Variants in ISLR2 observed in about 807,000 individuals in gnomAD.
ISLR2 encodes the protein immunoglobulin superfamily containing leucine-rich repeat protein 2.
Under a neutral mutation model 25.5 loss-of-function variants are expected in ISLR2, and 16 were observed. That is an observed-to-expected ratio of 0.63 (90% CI 0.43 to 0.95). The LOEUF is 0.95. ISLR2 is among the 40% of genes least tolerant of loss of function. The pLI is 0.00. For missense variants in ISLR2, 883 were observed against 1,030.7 expected, an observed-to-expected ratio of 0.86 and a Z score of 1.96; for synonymous variants, 508 against 486.6, an observed-to-expected ratio of 1.04 and a Z score of -0.58.
intron 1 of ISLR2, among the ~76,000 whole-genome samples, chr15:74,130,835 G>C (rs1304042647): frequency 6.6e-6 from 1 of 152,110 alleles, no homozygotes; most frequent in Non-Finnish European, 1.5e-5. Context: ...GTGGGGTGGG[G>C]GAGGTGGTGT....
At chr15:74,118,722 A>T (rs552012067) in intron 2 of ISLR2, among the ~76,000 whole-genome samples, 1 of 151,774 alleles carries the variant, frequency 6.6e-6, no homozygotes, top group African/African-American at 2.4e-5. Context: ...CAATGGTGCA[A>T]TCTTGGCTCA....
upstream of ISLR2, among the ~76,000 whole-genome samples, chr15:74,125,045 C>T (rs2072283142): frequency 6.6e-6 from 1 of 152,148 alleles, no homozygotes; most frequent in Non-Finnish European, 1.5e-5. Flanking sequence ...TACACATCAT[C>T]CCCAGCCCCC....
At chr15:74,129,045 C>T (rs567542439), upstream of ISLR2, 4 of 456,726 alleles carry the variant, frequency 8.8e-6, no homozygotes, top group East Asian at 2.8e-4. The surrounding 1 kb of genome is among the most constrained non-coding windows in gnomAD (Gnocchi z 4.5). Flanking sequence ...ACCCCTCGAC[C>T]ATTTTCGAAG....
At chr15:74,111,084 G>A (rs2072162600) in intron 2 of ISLR2, among the ~76,000 whole-genome samples, 1 of 144,228 alleles carries the variant, frequency 6.9e-6, no homozygotes, top group African/African-American at 2.6e-5. Context: ...AGGTTGCAGT[G>A]AGCCAAGATC....
In ISLR2 at chr15:74,131,322, C is replaced by T. The variant is rs1318017819; in HGVS notation, c.-9+6C>T. ...TGAGAGTCGGCGAATATTGGGTAAGCAATGGGGGCCACCCCACAACCTTGA... is the reference window on the plus strand; with the variant it reads ...TGAGAGTCGGCGAATATTGGGTAAGTAATGGGGGCCACCCCACAACCTTGA... On this transcript the variant is annotated splice_donor_region_variant and intron_variant, in intron 2 of 2. Transcript: ENST00000453268. 6.5e-6 allele frequency: 1 copy of T among 152,870 alleles called. No individual in the cohort carries two copies. Among genetic ancestry groups the T allele is most frequent in the South Asian group, 2.1e-4 (1 of 4,826 alleles). The allele number at this position is 152,870 out of a possible 1,614,324, so 9.5% of individuals were successfully genotyped here. A position where few individuals can be genotyped will look rare whatever the true frequency, so the allele number is the denominator to read the frequency against.
chr15:74,132,698 G>T lies in ISLR2; in HGVS notation c.-8-49G>T. ...ACAGCTTGATAGGGGAGGTAAGCTGGGGTTCAGTGAGTCACCTTCTTTCTT... is the reference window on the plus strand; with the variant it reads ...ACAGCTTGATAGGGGAGGTAAGCTGTGGTTCAGTGAGTCACCTTCTTTCTT... On this transcript the variant is annotated intron_variant, in intron 2 of 2. Coordinates refer to ENST00000453268, the MANE Select transcript of ISLR2 (RefSeq NM_020851.3). This position sits in a 1 kb window ranked among gnomAD's most constrained non-coding sequence, Gnocchi z 4.3. The T allele has an allele frequency of 1.9e-6, 3 of 1,568,344 alleles. No homozygotes were observed. The highest frequency in any genetic ancestry group is 2.3e-5 in the East Asian group (1 of 44,060).
chr15:74,125,776 A>C (rs1363731039), upstream of ISLR2: 1 of 152,224 alleles, frequency 6.6e-6, no homozygotes, highest in African/African-American at 2.4e-5. Flanking sequence ...TGAACCATTC[A>C]GAAAATTCCT....
At chr15:74,106,551 C>T (rs1316910888) in intron 2 of ISLR2, among the ~76,000 whole-genome samples, 1 of 152,126 alleles carries the variant, frequency 6.6e-6, no homozygotes, top group African/African-American at 2.4e-5. Flanking sequence ...CTGGATCCCA[C>T]CACTGAGTTC....
chr15:74,128,785 C>A (rs1388676167), upstream of ISLR2: 4 of 425,740 alleles, frequency 9.4e-6, no homozygotes, highest in Non-Finnish European at 1.8e-5. Context: ...TCCAAATATC[C>A]TTCCCAGGCA....
chr15:74,116,363 AG>A (rs2072210924), intron 2 of ISLR2, among the ~76,000 whole-genome samples: 1 of 152,016 alleles, frequency 6.6e-6, no homozygotes, highest in Non-Finnish European at 1.5e-5. Flanking sequence ...CAGGAGTTCA[AG>A]ACCAGCCTGG....
At chr15:74,138,288 CTTTTTTTTTTTT>C (rs34518777), downstream of ISLR2, 1 of 91,676 alleles carries the variant, frequency 1.1e-5, no homozygotes, top group Non-Finnish European at 2.1e-5. Context: ...TTTCTTTTCT[CTTTTTTTTTTTT>C]TTTTTTTTTG....
At chr15:74,108,048 G>T (rs535272908) in intron 2 of ISLR2, among the ~76,000 whole-genome samples, 6 of 152,284 alleles carry the variant, frequency 3.9e-5, no homozygotes, top group African/African-American at 1.4e-4. Context: ...GGTTGGAGCT[G>T]GGAGGTGTCG....
chr15:74,126,293 G>T (rs2072294594), upstream of ISLR2: 1 of 150,798 alleles, frequency 6.6e-6, no homozygotes, highest in Non-Finnish European at 1.5e-5. Flanking sequence ...CAGGTACTAA[G>T]TGCTTTGCGT....
upstream of ISLR2, chr15:74,130,135 G>C (rs994554928): frequency 6.6e-6 from 1 of 151,008 alleles, no homozygotes; most frequent in South Asian, 2.1e-4. Flanking sequence ...GGTGGGCTGG[G>C]GAGGGGGGTG....
chr15:74,137,954 A>AT (rs1312981859), downstream of ISLR2, among the ~76,000 whole-genome samples: 2 of 149,840 alleles, frequency 1.3e-5, no homozygotes, highest in Admixed American at 6.6e-5. Context: ...TTTTTTTTTT[A>AT]TTTTTTTATT....
intron 2 of ISLR2, among the ~76,000 whole-genome samples, chr15:74,116,770 A>G (rs1424866552): frequency 6.6e-6 from 1 of 152,206 alleles, no homozygotes; most frequent in East Asian, 1.9e-4. Context: ...CATCATTATA[A>G]GGTGGCAGTC....
upstream of ISLR2, chr15:74,127,534 A>G (rs1322906800): frequency 6.6e-6 from 1 of 152,310 alleles, no homozygotes; most frequent in Non-Finnish European, 1.5e-5. Context: ...TGGGCACGGG[A>G]AGTAAAGCCT....
chr15:74,111,913 G>T (rs567675911), intron 2 of ISLR2, among the ~76,000 whole-genome samples: 4 of 152,238 alleles, frequency 2.6e-5, no homozygotes, highest in Non-Finnish European at 2.9e-5. Flanking sequence ...AGTGGTTAAA[G>T]GAGTCTACAT....
chr15:74,124,032 G>A (rs183881654), upstream of ISLR2, among the ~76,000 whole-genome samples: 21 of 151,888 alleles, frequency 1.4e-4, no homozygotes, highest in Non-Finnish European at 2.4e-4. Flanking sequence ...TGAAAGCAAA[G>A]AATCCTCTGG....
Sources: allele counts gnomAD v4.1 joint callset (sites outside exome capture counted in the v4.1 genomes callset), GRCh38; gene constraint gnomAD v4.1.1; non-coding constraint Gnocchi (gnomAD v3.1); transcripts MANE v1.5; gene names NCBI Gene and HGNC (gene_info 2026-07-23, HGNC 2026-07-21).